Variants in GLB1 observed in about 807,000 individuals in gnomAD.
The protein encoded by GLB1 is galactosidase beta 1.
A neutral mutation model predicts 74.0 loss-of-function variants in GLB1; 56 were observed. That is an observed-to-expected ratio of 0.76 (90% CI 0.61 to 0.94). The LOEUF (loss-of-function observed/expected upper bound fraction) is 0.94. GLB1 is among the 40% of genes least tolerant of loss of function. GLB1 has a pLI of 0.00. For missense variants in GLB1, 787 were observed against 845.5 expected (o/e 0.93, Z 0.86); for synonymous variants, 323 against 323.6 (o/e 1.00, Z 0.02).
At chr3:33,005,699 T>C (rs1696759274) in intron 15 of GLB1, among the ~76,000 whole-genome samples, 1 of 152,144 alleles carries the variant, frequency 6.6e-6, no homozygotes, top group Admixed American at 6.5e-5. Flanking sequence ...TCTTATTAAG[T>C]TGCCTAGGCT....
chr3:32,997,194 C>T lies in GLB1; in HGVS notation c.1885G>A (p.Asp629Asn), dbSNP rs1222341603. Residue 629 changes from aspartate (D) to asparagine (N), a missense_variant, in exon 16 of 16, where the codon GAT becomes AAT. Coordinates refer to ENST00000307363, the MANE Select transcript of GLB1 (RefSeq NM_000404.4). ...GTCACAGCACATAGTTCTGGATCAT[C>T]ACTGCTGCAGGGTGCCCACTCCAGT... ...LELEWAPCSS[D>N]DPELCAVTFV... The T allele has an allele frequency of 1.5e-5, 24 of 1,614,076 alleles. No homozygotes were observed. The highest frequency in any genetic ancestry group is 2.0e-5 in the Non-Finnish European group (24 of 1,180,048).
chr3:33,093,682 C>T lies in GLB1; in HGVS notation c.75+3329G>A. ...CCGGCCACGCTGAGCACAGCAGTCA[C>T]TCCCACTGCCAGGGCAGGCCTGAGC... is the stretch of plus-strand genomic sequence containing the variant. On this transcript the variant is annotated intron_variant, in intron 1 of 15. Transcript: ENST00000307363. The surrounding 1 kb of genome is among the most constrained non-coding windows in gnomAD (Gnocchi z 6.0). The T allele has an allele frequency of 6.2e-7, 1 of 1,614,234 alleles. No individual in the cohort carries two copies. The highest frequency in any genetic ancestry group is 2.2e-5 in the East Asian group (1 of 44,886).
intron 10 of GLB1, chr3:33,034,315 T>C (rs551631070): frequency 2.7e-6 from 2 of 744,362 alleles, no homozygotes; most frequent in Admixed American, 1.8e-5. Context: ...CTTACACCAT[T>C]GGCTGCAATG....
At chr3:33,053,416 T>A (rs1303210368) in intron 7 of GLB1, 75 bp downstream of exon 7, 11 of 1,608,648 alleles carry the variant, frequency 6.8e-6, no homozygotes, top group Non-Finnish European at 9.4e-6. Context: ...ATCAAGGGCC[T>A]ACTGCCCAGT....
At chr3:32,964,898 T>A in the GLB1 span, among the ~76,000 whole-genome samples, 1 of 152,282 alleles carries the variant, frequency 6.6e-6, no homozygotes, top group African/African-American at 2.4e-5. Flanking sequence ...ATGCTGTTCT[T>A]GTGATAGTGA....
At chr3:33,069,731 AC>A (rs1406434151) in intron 2 of GLB1, among the ~76,000 whole-genome samples, 1 of 152,208 alleles carries the variant, frequency 6.6e-6, no homozygotes, top group Non-Finnish European at 1.5e-5. Flanking sequence ...TTCTTGACTG[AC>A]CGTAAACCTC....
chr3:32,964,533 G>A, the GLB1 span, among the ~76,000 whole-genome samples: 1 of 152,168 alleles, frequency 6.6e-6, no homozygotes, highest in South Asian at 2.1e-4. Flanking sequence ...ACAGTTTGGG[G>A]ATCTTCCTGT....
chr3:32,985,174 C>T, the GLB1 span, among the ~76,000 whole-genome samples: 1 of 150,686 alleles, frequency 6.6e-6, no homozygotes, highest in East Asian at 1.9e-4. Flanking sequence ...ACTATTCCAT[C>T]AGCTTTTTAA....
intron 1 of GLB1, chr3:33,092,570 A>C: frequency 8.2e-7 from 1 of 1,222,266 alleles, no homozygotes; most frequent in South Asian, 3.4e-5. Flanking sequence ...ATCATCTGGA[A>C]AATAGAGGGG....
chr3:33,062,311 G>C (rs1330306275), intron 5 of GLB1, among the ~76,000 whole-genome samples: 1 of 152,134 alleles, frequency 6.6e-6, no homozygotes, highest in Non-Finnish European at 1.5e-5. Flanking sequence ...GGGAACACGG[G>C]TGCATGGCAG....
intron 6 of GLB1, among the ~76,000 whole-genome samples, chr3:33,056,102 C>A (rs1293309461): frequency 6.6e-6 from 1 of 151,420 alleles, no homozygotes; most frequent in Non-Finnish European, 1.5e-5. Context: ...GTGGCAGGTG[C>A]CTGTAATCCC....
the GLB1 span, among the ~76,000 whole-genome samples, chr3:32,968,310 G>A: frequency 2.0e-5 from 3 of 152,064 alleles, no homozygotes; most frequent in African/African-American, 7.2e-5. Context: ...ACATTGGAAG[G>A]ATAAATGTCA....
At chr3:32,962,644 C>T in the GLB1 span, among the ~76,000 whole-genome samples, 4 of 151,998 alleles carry the variant, frequency 2.6e-5, no homozygotes, top group African/African-American at 9.6e-5. Flanking sequence ...ACATCAAACT[C>T]AATTACATTT....
the GLB1 span, among the ~76,000 whole-genome samples, chr3:32,972,482 C>T: frequency 3.5e-4 from 54 of 152,258 alleles, no homozygotes; most frequent in Middle Eastern, 0.014. Flanking sequence ...TGGTTCTCAG[C>T]CTTTGGAGGA....
At chr3:33,077,368 G>A in intron 1 of GLB1, 1 of 1,358,102 alleles carries the variant, frequency 7.4e-7, no homozygotes, top group Non-Finnish European at 1.0e-6. Flanking sequence ...GATGGTCAAT[G>A]AGACAGATCA....
In GLB1 at chr3:33,024,058, A is replaced by T. The variant is rs368417459; in HGVS notation, c.1143+193T>A. Among the ~76,000 whole-genome samples the T allele has an allele frequency of 4.6e-5, 7 of 152,200 alleles. No individual in the cohort carries two copies. In the East Asian group the frequency reaches 1.2e-3, roughly 25 times the overall value. ...TCATCTGCTCATCCTGTCAACAGGC[A>T]TGAGTATCTTCTCACCTCTCTCTCC... On this transcript the variant is annotated intron_variant, in intron 11 of 15. Coordinates refer to ENST00000307363, the MANE Select transcript of GLB1 (RefSeq NM_000404.4).
At chr3:32,973,294 C>CTG in the GLB1 span, among the ~76,000 whole-genome samples, 10 of 151,640 alleles carry the variant, frequency 6.6e-5, no homozygotes, top group Admixed American at 1.3e-4. Flanking sequence ...TGTGGGTGAC[C>CTG]TGTGTGTGTG....
chr3:33,066,714 C>CT (rs1340591232), intron 4 of GLB1, among the ~76,000 whole-genome samples: 2 of 151,958 alleles, frequency 1.3e-5, no homozygotes, highest in Non-Finnish European at 2.9e-5. Flanking sequence ...CACAGGAAGG[C>CT]TTTTTTTCCG....
Position 33,051,963 on chromosome 3 carries a change from G to C in GLB1, c.834C>G (p.Gly278=), listed in dbSNP as rs1159002629. The C allele has an allele frequency of 1.2e-6, 2 of 1,614,074 alleles. No homozygotes were observed. The highest frequency in any genetic ancestry group is 2.7e-5 in the African/African-American group (2 of 74,924). The change falls in exon 8 of 16, where the codon GGC becomes GGG. Residue 278 remains glycine, a synonymous_variant. Coordinates refer to ENST00000307363, the MANE Select transcript of GLB1 (RefSeq NM_000404.4). ...CGGTCTTGATTGTGGAGTGAGGTTG[G>C]CCCCAGTGATCTAGCCAGCCAGTAT... ...EFYTGWLDHW[G]QPHSTIKTEA...
Sources: allele counts gnomAD v4.1 joint callset (sites outside exome capture counted in the v4.1 genomes callset), GRCh38; gene constraint gnomAD v4.1.1; non-coding constraint Gnocchi (gnomAD v3.1); transcripts MANE v1.5; gene names NCBI Gene and HGNC (gene_info 2026-07-23, HGNC 2026-07-21).